AKAP6: variants seen among roughly 807,000 people sequenced by gnomAD.
AKAP6 encodes the protein A-kinase anchor protein 6.
Under a neutral mutation model 188.5 loss-of-function variants are expected in AKAP6, and 58 were observed. The ratio of observed to expected loss-of-function variants is 0.31; its 90% confidence interval spans 0.25 to 0.38. The LOEUF is 0.38. Ranked by LOEUF, AKAP6 falls within the 10% of genes least tolerant of loss-of-function variation. AKAP6 has a pLI of 1.00. For missense variants in AKAP6, 2,710 were observed against 2,740.0 expected (o/e 0.99, Z 0.24); for synonymous variants, 989 against 998.6 (o/e 0.99, Z 0.18).
rs2030000557 is a variant in AKAP6 at position 32,713,395 on chromosome 14, C to T, written c.3000+17285C>T. Among the ~76,000 whole-genome samples the T allele has an allele frequency of 1.3e-5, 2 of 151,944 alleles. 1 individual carries two copies. The highest frequency in any genetic ancestry group is 1.3e-4 in the Admixed American group (2 of 15,240). On this transcript the variant is annotated intron_variant, in intron 9 of 13. Transcript: ENST00000280979. ...TTTAGCCTCTCACAAGAGGGTCAGC[C>T]GTTCCTTTGAAGCTTTGAAGCTAGG...
intron 7 of AKAP6, among the ~76,000 whole-genome samples, chr14:32,634,109 A>G (rs1887390600): frequency 1.3e-5 from 2 of 151,482 alleles, no homozygotes; most frequent in African/African-American, 4.9e-5. Flanking sequence ...ACAGTGGTTA[A>G]AACTAGCTTC....
chr14:32,479,611 G>A (rs146251245), intron 2 of AKAP6, among the ~76,000 whole-genome samples: 85 of 152,132 alleles, frequency 5.6e-4, no homozygotes, highest in African/African-American at 1.9e-3. Context: ...TTACTAAGGG[G>A]TTTTGCTATG....
chr14:32,546,799 C>T lies in AKAP6; in HGVS notation c.2146C>T (p.Pro716Ser). ...ACTAGGGGAGAGCATTGAATCTGGG[C>T]CCCTGAGTGACATTCTTTCTGATGA... Reference protein sequence around the residue: ...SSLGESIESGPLSDILSDEES... With the variant: ...SSLGESIESGSLSDILSDEES... The change falls in exon 4 of 14, where the codon CCC (proline) becomes TCC (serine). Residue 716 changes from proline (P) to serine (S), a missense_variant. Pro to Ser is a moderately conservative substitution (Grantham distance 74, BLOSUM62 -1). Transcript: ENST00000280979. 1 of 1,614,002 alleles carries T rather than the reference C, an allele frequency of 6.2e-7. No individual in the cohort carries two copies. The highest frequency in any genetic ancestry group is 8.5e-7 in the Non-Finnish European group (1 of 1,179,984).
At chr14:32,596,974 TG>T (rs977994308) in intron 5 of AKAP6, among the ~76,000 whole-genome samples, 2 of 152,142 alleles carry the variant, frequency 1.3e-5, no homozygotes, top group Non-Finnish European at 2.9e-5. Flanking sequence ...TAATGGTTAA[TG>T]GGTGCACCTG....
At position 32,560,878 on chromosome 14, in the gene AKAP6, G is replaced by A. The variant is rs575005288; in HGVS notation, c.2346+13879G>A. Among the ~76,000 whole-genome samples the A allele has an allele frequency of 2.0e-3, 306 of 152,164 alleles. 1 individual carries two copies. Among genetic ancestry groups the A allele is most frequent in the African/African-American group, 7.0e-3 (291 of 41,526 alleles). On this transcript the variant is annotated intron_variant, in intron 4 of 13. Transcript: ENST00000280979. Reference sequence around the variant, plus strand: ...ACAAAACAAAACTTTGTTATTTCTTGTCCCCTTGCAAACTGTCGGGCAGAA... The same window carrying A: ...ACAAAACAAAACTTTGTTATTTCTTATCCCCTTGCAAACTGTCGGGCAGAA...
chr14:32,582,664 A>G (rs1465430439), intron 5 of AKAP6, among the ~76,000 whole-genome samples: 2 of 151,928 alleles, frequency 1.3e-5, no homozygotes, highest in Admixed American at 1.3e-4. Flanking sequence ...ATAGTCCCAT[A>G]TTTCTTGGGG....
chr14:32,565,310 A>G (rs1460624847), intron 4 of AKAP6, among the ~76,000 whole-genome samples: 1 of 152,126 alleles, frequency 6.6e-6, no homozygotes, highest in Non-Finnish European at 1.5e-5. Context: ...TGCTTCAAGA[A>G]AAACTGGAAA....
chr14:32,806,342 AC>A (rs1368174177), intron 12 of AKAP6, among the ~76,000 whole-genome samples: 9 of 152,170 alleles, frequency 5.9e-5, no homozygotes, highest in Admixed American at 2.0e-4. Context: ...TGCTTGATTC[AC>A]CTTTTTATCT....
chr14:32,626,716 C>A (rs1186919647), intron 7 of AKAP6, among the ~76,000 whole-genome samples: 1 of 152,068 alleles, frequency 6.6e-6, no homozygotes, highest in Non-Finnish European at 1.5e-5. Context: ...TACTGCTTCA[C>A]CCATTAAGCT....
intron 8 of AKAP6, among the ~76,000 whole-genome samples, chr14:32,692,099 G>C (rs17099442): frequency 0.053 from 8,023 of 152,238 alleles, 731 homozygotes; most frequent in African/African-American, 0.18. Flanking sequence ...AACAAATCAA[G>C]TATCAAGTCT....
At chr14:32,716,126 G>T (rs1476674617) in intron 9 of AKAP6, among the ~76,000 whole-genome samples, 1 of 151,728 alleles carries the variant, frequency 6.6e-6, no homozygotes, top group South Asian at 2.1e-4. Context: ...CTGATTCCAG[G>T]CATATATTTA....
chr14:32,723,376 A>G (rs1439913973), intron 9 of AKAP6, among the ~76,000 whole-genome samples: 1 of 152,126 alleles, frequency 6.6e-6, no homozygotes, highest in Non-Finnish European at 1.5e-5. Flanking sequence ...GATTTAACTC[A>G]TTATGGCAGC....
intron 12 of AKAP6, among the ~76,000 whole-genome samples, chr14:32,802,900 C>A (rs188366496): frequency 2.0e-5 from 3 of 152,212 alleles, no homozygotes; most frequent in Admixed American, 1.3e-4. Context: ...TAGTTCAAGA[C>A]CAGCCTGGCC....
chr14:32,433,603 G>T lies in AKAP6; in HGVS notation c.110G>T (p.Gly37Val). ...AINMTPTVEQ[G>V]EGEEAMKDMD... ...AACATGACACCCACTGTGGAGCAGG[G>T]TGAGGGAGAAGAGGCAATGAAGGAC... is the stretch of plus-strand genomic sequence containing the variant. Residue 37 changes from glycine to valine, a missense_variant, in exon 2 of 14, where the codon GGT becomes GTT. By Grantham distance (109) the Gly-to-Val change is moderately radical (BLOSUM62 -3). Transcript: ENST00000280979. 3.1e-6 allele frequency: 5 copies of T among 1,614,194 alleles called. No homozygotes were observed. Among genetic ancestry groups the T allele is most frequent in the Non-Finnish European group, 4.2e-6 (5 of 1,180,044 alleles).
chr14:32,485,896 A>G (rs367693000), intron 2 of AKAP6, among the ~76,000 whole-genome samples: 1 of 152,132 alleles, frequency 6.6e-6, no homozygotes, highest in Non-Finnish European at 1.5e-5. Flanking sequence ...GCCCATGCCT[A>G]TGTCCTGAAT....
At position 32,683,819 on chromosome 14, in the gene AKAP6, C is replaced by T. The variant is rs373930066; in HGVS notation, c.2879+5360C>T. Among the ~76,000 whole-genome samples, 5 of 152,256 alleles carry T rather than the reference C, an allele frequency of 3.3e-5. No individual in the cohort carries two copies. In the East Asian group the frequency reaches 5.8e-4, roughly 18 times the overall value. ...TGTGTGGAGAACAGATTGGTTAGGC[C>T]TAGGCTAGACAGTGCTCAGATAAGA... On this transcript the variant is annotated intron_variant, in intron 8 of 13. Transcript: ENST00000280979.
At position 32,491,693 on chromosome 14, in the gene AKAP6, A is replaced by T. The variant is rs949429660; in HGVS notation, c.325-43861A>T. The stretch of plus-strand genomic sequence containing the variant: ...AACCAGAATATTTCCAACTCCAGTG[A>T]CTTTGTGATTCTGAATCATTGCCTT... On this transcript the variant is annotated intron_variant, in intron 2 of 13. Transcript: ENST00000280979. Among the ~76,000 whole-genome samples the T allele has an allele frequency of 7.2e-5, 11 of 152,224 alleles. 1 individual carries two copies. Among genetic ancestry groups the T allele is most frequent in the African/African-American group, 2.4e-4 (10 of 41,456 alleles).
At chr14:32,453,635 C>A (rs1490393721) in intron 2 of AKAP6, among the ~76,000 whole-genome samples, 2 of 107,944 alleles carry the variant, frequency 1.9e-5, no homozygotes, top group Non-Finnish European at 3.5e-5. Context: ...CTCGTTCTGT[C>A]GCCCAGGCGG....
At chr14:32,539,211 C>T (rs145487029) in intron 3 of AKAP6, among the ~76,000 whole-genome samples, 1 of 152,244 alleles carries the variant, frequency 6.6e-6, no homozygotes, top group African/African-American at 2.4e-5. Flanking sequence ...GGTAATGTCA[C>T]ACAGGTGATA....
Sources: gnomAD v4.1 joint callset for allele counts (sites outside exome capture counted in the v4.1 genomes callset) on GRCh38, gnomAD v4.1.1 for gene constraint, MANE v1.5 for transcripts, NCBI Gene and HGNC (gene_info 2026-07-23, HGNC 2026-07-21) for gene names.